CDH12: variants seen among roughly 807,000 people sequenced by gnomAD.
CDH12 encodes the protein cadherin 12, also known as cadherin-12.
In CDH12, 41 loss-of-function variants were observed where a neutral mutation model predicts 74.1. That is an observed-to-expected ratio of 0.55 (90% CI 0.43 to 0.72). The LOEUF (loss-of-function observed/expected upper bound fraction) is 0.72. Among genes scored for constraint, CDH12 ranks in the 30% least tolerant of loss-of-function variants. The pLI is 0.00. For synonymous variants in CDH12, 399 were observed against 355.0 expected (o/e 1.12, Z -1.39); for missense variants, 945 against 977.2 (o/e 0.97, Z 0.44).
At chr5:22,445,762 C>A (rs996258295) in intron 2 of CDH12, among the ~76,000 whole-genome samples, 1 of 152,092 alleles carries the variant, frequency 6.6e-6, no homozygotes, top group Non-Finnish European at 1.5e-5. Flanking sequence ...ACCCTGTGGG[C>A]ATACTGCTGT....
At chr5:22,746,556 A>G (rs1207260006) in intron 1 of CDH12, among the ~76,000 whole-genome samples, 1 of 152,326 alleles carries the variant, frequency 6.6e-6, no homozygotes, top group East Asian at 1.9e-4. Context: ...GTTAGACATT[A>G]CAGGCATGCA....
intron 1 of CDH12, among the ~76,000 whole-genome samples, chr5:22,672,167 G>T (rs10043072): frequency 0.68 from 95,037 of 140,716 alleles, 31,754 homozygotes; most frequent in Admixed American, 0.73. Flanking sequence ...TTATATATAT[G>T]TATAGGATAT....
intron 3 of CDH12, among the ~76,000 whole-genome samples, chr5:22,320,955 G>C (rs1303750793): frequency 6.6e-6 from 1 of 152,062 alleles, no homozygotes; most frequent in Non-Finnish European, 1.5e-5. Context: ...TATTATGAGA[G>C]GGCAAGGTAA....
chr5:22,379,950 G>T (rs1203830007), intron 3 of CDH12, among the ~76,000 whole-genome samples: 1 of 151,992 alleles, frequency 6.6e-6, no homozygotes, highest in Admixed American at 6.6e-5. Flanking sequence ...GTAGAGACAA[G>T]GTCTCTCTAT....
Position 22,035,410 on chromosome 5 carries a change from CATA to C in CDH12, c.231+43033_231+43035del, listed in dbSNP as rs1425722602. On this transcript the variant is annotated intron_variant, in intron 5 of 14. Coordinates refer to ENST00000382254, the MANE Select transcript of CDH12 (RefSeq NM_004061.5). ...TGTATATATATATATATATGCATGTCATAATGTTAACTACCGGCATCCAACCTT... is the reference window on the plus strand; with the variant it reads ...TGTATATATATATATATATGCATGTCATGTTAACTACCGGCATCCAACCTT... Among the ~76,000 whole-genome samples, 3 of 151,700 alleles carry C rather than the reference CATA, an allele frequency of 2.0e-5. No homozygotes were observed. The East Asian group carries it at 5.8e-4, about 29-fold the overall frequency.
At chr5:21,810,988 A>ATGCTCAG (rs1371286374) in intron 9 of CDH12, among the ~76,000 whole-genome samples, 2 of 152,172 alleles carry the variant, frequency 1.3e-5, no homozygotes, top group African/African-American at 4.8e-5. Context: ...AGTATAAAAT[A>ATGCTCAG]TATATATGCT....
At chr5:22,460,678 C>G (rs190158665) in intron 2 of CDH12, among the ~76,000 whole-genome samples, 384 of 143,970 alleles carry the variant, frequency 2.7e-3, no homozygotes, top group Non-Finnish European at 4.2e-3. Flanking sequence ...ATAAATTATG[C>G]AACTTTTCTA....
chr5:22,210,688 CA>C (rs762092255), intron 4 of CDH12, among the ~76,000 whole-genome samples: 4 of 152,028 alleles, frequency 2.6e-5, no homozygotes, highest in Middle Eastern at 3.4e-3. Flanking sequence ...ATACATCCAA[CA>C]AAAAAGTTCA....
intron 5 of CDH12, among the ~76,000 whole-genome samples, chr5:22,032,808 G>GTA (rs1167018019): frequency 1.2e-4 from 17 of 146,724 alleles, no homozygotes; most frequent in African/African-American, 4.3e-4. Flanking sequence ...TATATAGTGT[G>GTA]TATATATACA....
intron 1 of CDH12, among the ~76,000 whole-genome samples, chr5:22,710,718 A>G (rs1182837451): frequency 6.6e-6 from 1 of 152,158 alleles, no homozygotes; most frequent in East Asian, 1.9e-4. Context: ...TTAAAAGTCT[A>G]CTTCACAATT....
chr5:22,615,121 G>A (rs567127072), intron 1 of CDH12, among the ~76,000 whole-genome samples: 1 of 152,064 alleles, frequency 6.6e-6, no homozygotes, highest in Non-Finnish European at 1.5e-5. Context: ...AATCATAACT[G>A]CAGATAAGGG....
intron 3 of CDH12, among the ~76,000 whole-genome samples, chr5:22,365,999 C>A (rs796225061): frequency 1.3e-5 from 2 of 152,094 alleles, no homozygotes; most frequent in Non-Finnish European, 2.9e-5. Flanking sequence ...AGCTTTGTCA[C>A]CTAGGCTGGA....
chr5:22,693,775 T>A, intron 1 of CDH12, among the ~76,000 whole-genome samples: 1 of 151,392 alleles, frequency 6.6e-6, no homozygotes, highest in Non-Finnish European at 1.5e-5. Context: ...TATATATGTA[T>A]TATCTGTCTG....
At chr5:21,958,385 C>T (rs2547584) in intron 6 of CDH12, among the ~76,000 whole-genome samples, 40 of 152,202 alleles carry the variant, frequency 2.6e-4, no homozygotes, top group African/African-American at 4.6e-4. Context: ...AAGTACAGGA[C>T]GGTATTGCCT....
intron 1 of CDH12, among the ~76,000 whole-genome samples, chr5:22,603,714 A>G (rs995936272): frequency 6.6e-6 from 1 of 152,210 alleles, no homozygotes; most frequent in Non-Finnish European, 1.5e-5. Context: ...CTTGTGGTTT[A>G]CGACAGGACT....
At chr5:22,110,879 C>T (rs1054820874) in intron 4 of CDH12, among the ~76,000 whole-genome samples, 2 of 152,078 alleles carry the variant, frequency 1.3e-5, no homozygotes, top group African/African-American at 4.8e-5. Flanking sequence ...AACTAAATGT[C>T]TCCCAAAGTT....
At chr5:22,588,605 G>C (rs1194121670) in intron 1 of CDH12, among the ~76,000 whole-genome samples, 1 of 151,748 alleles carries the variant, frequency 6.6e-6, no homozygotes, top group African/African-American at 2.4e-5. Context: ...ACATATTTTT[G>C]GGAAAAAAAC....
chr5:21,840,417 C>T (rs1217538113), intron 8 of CDH12, among the ~76,000 whole-genome samples: 1 of 143,434 alleles, frequency 7.0e-6, no homozygotes, highest in African/African-American at 2.9e-5. Flanking sequence ...ATGTTCAACC[C>T]TGAAGATTTG....
chr5:21,933,369 G>A (rs1259843671), intron 6 of CDH12, among the ~76,000 whole-genome samples: 1 of 152,128 alleles, frequency 6.6e-6, no homozygotes, highest in Non-Finnish European at 1.5e-5. Context: ...CTCAAATACA[G>A]TGTTCTAAGA....
Sources: allele counts gnomAD v4.1 joint callset (sites outside exome capture counted in the v4.1 genomes callset), GRCh38; gene constraint gnomAD v4.1.1; transcripts MANE v1.5; gene names NCBI Gene and HGNC (gene_info 2026-07-23, HGNC 2026-07-21).